SCNN1G: variants seen among roughly 807,000 people sequenced by gnomAD.
SCNN1G encodes the protein sodium channel epithelial 1 subunit gamma, also known as epithelial sodium channel subunit gamma.
Under a neutral mutation model 64.6 loss-of-function variants are expected in SCNN1G, and 27 were observed. The ratio of observed to expected loss-of-function variants is 0.42; its 90% CI spans 0.31 to 0.58. The LOEUF is 0.58. Ranked by LOEUF, SCNN1G falls within the 20% of genes least tolerant of loss-of-function variation. The probability of loss-of-function intolerance (pLI) is 0.18; values close to 1 mark genes in which losing one functional copy is unlikely to be tolerated. For synonymous variants in SCNN1G, 330 were observed against 314.2 expected, an observed-to-expected ratio of 1.05 and a Z score of -0.53; for missense variants, 743 against 823.4, an observed-to-expected ratio of 0.90 and a Z score of 1.19.
intron 1 of SCNN1G, among the ~76,000 whole-genome samples, chr16:23,184,980 C>T (rs904732974): frequency 2.6e-5 from 4 of 152,200 alleles, no homozygotes; most frequent in Admixed American, 2.0e-4. Flanking sequence ...GTGCACTGTT[C>T]AGAGTTTGGA....
rs775262290 is a variant in SCNN1G, at chr16:23,215,357, C to A, written c.1838C>A (p.Pro613Gln). The change falls in exon 13 of 13, where the codon CCA becomes CAA. Residue 613 changes from proline to glutamine, a missense_variant. Coordinates refer to ENST00000300061, the MANE Select transcript of SCNN1G (RefSeq NM_001039.4). ...PTFNSALHLP[P>Q]ALGTQVPGTP... ...TTCAACTCTGCTTTGCACCTGCCTC[C>A]AGCCCTAGGAACCCAAGTGCCCGGC... 3.1e-6 allele frequency: 5 copies of A among 1,614,188 alleles called. No individual in the cohort carries two copies. The highest frequency in any genetic ancestry group is 3.4e-6 in the Non-Finnish European group (4 of 1,180,030).
At chr16:23,200,600 G>A (rs1959872827) in intron 6 of SCNN1G, among the ~76,000 whole-genome samples, 1 of 152,216 alleles carries the variant, frequency 6.6e-6, no homozygotes, top group Admixed American at 6.5e-5. Context: ...CCTCAGTGTG[G>A]AGGACACCGT....
At chr16:23,189,343 C>T (rs1258347967) in intron 2 of SCNN1G, 28 bp from the exon 3 acceptor site, 4 of 1,610,792 alleles carry the variant, frequency 2.5e-6, no homozygotes, top group Non-Finnish European at 3.4e-6. Flanking sequence ...CCTCCCCTCT[C>T]CCTGACTTTT....
At chr16:23,196,708 T>C (rs554452728) in intron 5 of SCNN1G, among the ~76,000 whole-genome samples, 3 of 152,360 alleles carry the variant, frequency 2.0e-5, no homozygotes, top group African/African-American at 7.2e-5. Context: ...AGCCGATCCA[T>C]GGCAGAGCCA....
intron 6 of SCNN1G, among the ~76,000 whole-genome samples, chr16:23,198,890 A>T (rs774371003): frequency 6.6e-5 from 10 of 151,852 alleles, no homozygotes; most frequent in Non-Finnish European, 1.2e-4. Flanking sequence ...CCCCATCTCT[A>T]CAAAAAATAT....
At chr16:23,205,831 G>A (rs946426526) in intron 6 of SCNN1G, among the ~76,000 whole-genome samples, 1 of 152,114 alleles carries the variant, frequency 6.6e-6, no homozygotes, top group Non-Finnish European at 1.5e-5. Flanking sequence ...TCCATTCTGA[G>A]AAACAGGGGT....
Position 23,186,233 on chromosome 16 carries a change from C to T in SCNN1G, c.-39C>T. 6.2e-7 allele frequency: 1 copy of T among 1,608,096 alleles called. No individual in the cohort carries two copies. Among genetic ancestry groups the T allele is most frequent in the South Asian group, 1.1e-5 (1 of 90,788 alleles). Reference sequence around the variant, plus strand: ...TCTCTTCTTTGCCCCTCCAGCACGCCCGTCCTCAGAGTCCCGTCCTCAAAG... The same window carrying T: ...TCTCTTCTTTGCCCCTCCAGCACGCTCGTCCTCAGAGTCCCGTCCTCAAAG... On this transcript the variant is annotated 5_prime_UTR_variant, in exon 2 of 13. Coordinates refer to ENST00000300061, the MANE Select transcript of SCNN1G (RefSeq NM_001039.4).
At position 23,215,046 on chromosome 16, in the gene SCNN1G, G is replaced by T. The variant is rs553738022; in HGVS notation, c.1570-43G>T. 1.6e-5 allele frequency: 26 copies of T among 1,612,924 alleles called. 1 individual carries two copies. Among genetic ancestry groups the T allele is most frequent in the African/African-American group, 1.2e-4 (9 of 74,964 alleles). ...AGGGTTCCTGTGTGAGGCCAACTTGGGGGGAGGTTCCTCTTGATGGTGTGG... is the reference window on the plus strand; with the variant it reads ...AGGGTTCCTGTGTGAGGCCAACTTGTGGGGAGGTTCCTCTTGATGGTGTGG... On this transcript the variant is annotated intron_variant, in intron 12 of 12. Coordinates refer to ENST00000300061, the MANE Select transcript of SCNN1G (RefSeq NM_001039.4).
chr16:23,186,753 C>T (rs541213472), intron 2 of SCNN1G, among the ~76,000 whole-genome samples, 165 bp downstream of exon 2: 5 of 152,326 alleles, frequency 3.3e-5, no homozygotes, highest in East Asian at 1.9e-4. Flanking sequence ...CAGCCCCCTC[C>T]CCAGTTCTAA....
rs1960160353 is a variant in SCNN1G at position 23,216,455 on chromosome 16, C to A, written c.*986C>A. 6.6e-6 allele frequency: 1 copy of A among 152,186 alleles called. No individual in the cohort carries two copies. Among genetic ancestry groups the A allele is most frequent in the Non-Finnish European group, 1.5e-5 (1 of 68,064 alleles). 9.4% of individuals were successfully genotyped at this position (152,186 alleles called of 1,614,324 possible). A position where few individuals can be genotyped will look rare whatever the true frequency, so the allele number is the denominator to read the frequency against. ...GACCCACTTCATACCACATTCACAT[C>A]TTTCCACCTGAAATGGCTAACAGGT... On this transcript the variant is annotated 3_prime_UTR_variant, in exon 13 of 13. Coordinates refer to ENST00000300061, the MANE Select transcript of SCNN1G (RefSeq NM_001039.4).
intron 6 of SCNN1G, among the ~76,000 whole-genome samples, chr16:23,207,634 G>GC (rs1459648916): frequency 2.0e-5 from 3 of 152,228 alleles, no homozygotes; most frequent in Non-Finnish European, 2.9e-5. Flanking sequence ...TGTCTGAGAT[G>GC]CAAGATCTGA....
intron 6 of SCNN1G, 45 bp from the exon 7 acceptor site, chr16:23,209,705 G>A (rs1290225221): frequency 6.9e-7 from 1 of 1,447,618 alleles, no homozygotes; most frequent in Non-Finnish European, 9.7e-7. Context: ...CCCCGCCTGG[G>A]TCCGGGGGGA....
intron 12 of SCNN1G, 150 bp from the exon 13 acceptor site, chr16:23,214,939 G>C: frequency 8.9e-7 from 1 of 1,128,660 alleles, no homozygotes; most frequent in Non-Finnish European, 1.3e-6. Context: ...AATGCACAGA[G>C]TAAGAGGAAA....
At chr16:23,212,488 TCA>T (rs143227016) in intron 8 of SCNN1G, among the ~76,000 whole-genome samples, 188 bp from the exon 9 acceptor site, 3,881 of 152,242 alleles carry the variant, frequency 0.025, 81 homozygotes, top group Non-Finnish European at 0.039. Context: ...GACCTTCAAC[TCA>T]CATCCTCAAC....
At chr16:23,193,642 C>T (rs948501278) in intron 4 of SCNN1G, among the ~76,000 whole-genome samples, 10 of 152,134 alleles carry the variant, frequency 6.6e-5, no homozygotes, top group Non-Finnish European at 1.2e-4. Flanking sequence ...GAGCAAGACC[C>T]TATCTCAGAA....
chr16:23,211,872 T>C (rs1298287126), intron 7 of SCNN1G, among the ~76,000 whole-genome samples, 162 bp from the exon 8 acceptor site: 1 of 152,124 alleles, frequency 6.6e-6, no homozygotes, highest in African/African-American at 2.4e-5. Context: ...TTGGGCCCTT[T>C]GCAGTTCCGG....
intron 6 of SCNN1G, among the ~76,000 whole-genome samples, chr16:23,204,288 CATATATATATATATAT>C (rs59288460): frequency 0.011 from 154 of 14,162 alleles, 1 homozygote; most frequent in African/African-American, 0.02. Flanking sequence ...CAAATATATA[CATATATATATATATAT>C]ATATATATAT....
In SCNN1G at chr16:23,209,869, C is replaced by T. The variant is rs763840471; in HGVS notation, c.1176+21C>T. On this transcript the variant is annotated intron_variant, in intron 7 of 12. Coordinates refer to ENST00000300061, the MANE Select transcript of SCNN1G (RefSeq NM_001039.4). Reference sequence around the variant, plus strand: ...TCCAGGTAACAGATTGGCAGGGGCACCCAGCCCTGGGTTTATGGCCCGGAC... The same window carrying T: ...TCCAGGTAACAGATTGGCAGGGGCATCCAGCCCTGGGTTTATGGCCCGGAC... The T allele has an allele frequency of 7.0e-6, 11 of 1,567,736 alleles. No individual in the cohort carries two copies. The Admixed American group carries it at 1.8e-4, about 26-fold the overall frequency.
At chr16:23,213,897 T>C (rs991369867) in intron 11 of SCNN1G, among the ~76,000 whole-genome samples, 4 of 152,220 alleles carry the variant, frequency 2.6e-5, no homozygotes, top group African/African-American at 9.6e-5. Context: ...TGGTGACTGA[T>C]CCTTGGCCCA....
Sources: allele counts gnomAD v4.1 joint callset (sites outside exome capture counted in the v4.1 genomes callset), GRCh38; gene constraint gnomAD v4.1.1; transcripts MANE v1.5; gene names NCBI Gene and HGNC (gene_info 2026-07-23, HGNC 2026-07-21).